The following KCNQ1OT1 variants were observed in gnomAD, a reference collection of about 807,000 sequenced individuals.
The protein encoded by KCNQ1OT1 is KCNQ1 opposite strand/antisense transcript 1, also known as KCNQ1 antisense RNA 2 (non-protein coding).
rs565394479 is a variant in KCNQ1OT1 at position 2,635,942 on chromosome 11, G to A, written n.64053C>T. The A allele has an allele frequency of 4.2e-3, 632 of 152,248 alleles. 4 individuals are homozygous for A. The highest frequency in any genetic ancestry group is 0.015 in the African/African-American group (612 of 41,538). The allele number at this position is 152,248 out of a possible 1,614,324, so 9.4% of individuals were successfully genotyped here. ...TCCTAGGTATTTTATTCTCTTTGAA[G>A]CAATTGTGAATGGGAGTTCACTCAT... On this transcript the variant is annotated non_coding_transcript_exon_variant, in exon 1 of 1. Transcript: ENST00000597346.
chr11:2,627,743 A>G lies in KCNQ1OT1; in HGVS notation n.72252T>C. 2.5e-6 allele frequency: 1 copy of G among 398,368 alleles called. No individual in the cohort carries two copies. The highest frequency in any genetic ancestry group is 4.4e-6 in the Non-Finnish European group (1 of 226,016). The allele number at this position is 398,368 out of a possible 1,614,324, so 24.7% of individuals were successfully genotyped here. On this transcript the variant is annotated non_coding_transcript_exon_variant, in exon 1 of 1. Coordinates refer to ENST00000597346, the Ensembl canonical transcript of KCNQ1OT1. The surrounding 1 kb of genome is among the most constrained non-coding windows in gnomAD (Gnocchi z 4.9). The stretch of plus-strand genomic sequence containing the variant: ...TTTGGGAATTTGGTGATACACACAC[A>G]CACACTATTTTCTTCCTTTCTTTTT...
In KCNQ1OT1 at chr11:2,621,454, C is replaced by T; in HGVS notation, n.78541G>A. 2 of 398,504 alleles carry T rather than the reference C, an allele frequency of 5.0e-6. No individual in the cohort carries two copies. The highest frequency in any genetic ancestry group is 8.8e-6 in the Non-Finnish European group (2 of 226,050). 24.7% of individuals were successfully genotyped at this position (398,504 alleles called of 1,614,324 possible). A position where few individuals can be genotyped will look rare whatever the true frequency, so the allele number is the denominator to read the frequency against. On this transcript the variant is annotated non_coding_transcript_exon_variant, in exon 1 of 1. Coordinates refer to ENST00000597346, the Ensembl canonical transcript of KCNQ1OT1. The surrounding 1 kb of genome is among the most constrained non-coding windows in gnomAD (Gnocchi z 5.7). ...TGGATTCTGGACATAGGACCTTTGC[C>T]AGATGAATAGTTTGCAAATATTTTT...
exon 1 of KCNQ1OT1, chr11:2,625,886 G>A: frequency 7.5e-6 from 3 of 398,468 alleles, no homozygotes; most frequent in Non-Finnish European, 1.3e-5. Flanking sequence ...CCATTTTTCA[G>A]GTGCATTGTT....
exon 1 of KCNQ1OT1, chr11:2,625,652 T>C (rs1849250516): frequency 5.0e-6 from 2 of 397,244 alleles, no homozygotes; most frequent in Admixed American, 4.4e-5. Context: ...CTCGGCTTAC[T>C]GCAACCTCTG....
exon 1 of KCNQ1OT1, chr11:2,639,340 G>GT (rs1453688670): frequency 1.3e-5 from 2 of 152,134 alleles, no homozygotes; most frequent in Non-Finnish European, 2.9e-5. Context: ...CATCTTTGTG[G>GT]TTTTATCTAC....
At chr11:2,662,546 G>C (rs1849980902) in exon 1 of KCNQ1OT1, 3 of 427,512 alleles carry the variant, frequency 7.0e-6, no homozygotes, top group Non-Finnish European at 1.2e-5. Context: ...ACGCCTTCCA[G>C]TTGGCCTTCC....
exon 1 of KCNQ1OT1, chr11:2,615,515 A>C: frequency 2.5e-6 from 1 of 397,920 alleles, no homozygotes; most frequent in East Asian, 3.6e-5. Context: ...TTTTTTTCTC[A>C]TTAAGTATAT....
chr11:2,616,042 T>TG (rs1849058460), exon 1 of KCNQ1OT1: 2 of 398,188 alleles, frequency 5.0e-6, no homozygotes. Context: ...CTACTTGTTA[T>TG]GGGTCTGCTC....
exon 1 of KCNQ1OT1, chr11:2,686,811 T>C: frequency 2.5e-6 from 1 of 398,648 alleles, no homozygotes; most frequent in Non-Finnish European, 4.4e-6. Flanking sequence ...TGCTCACCCC[T>C]AAAGAGCAGC....
rs369352207 is a variant in KCNQ1OT1 at position 2,613,015 on chromosome 11, T to A, written n.86980A>T. ...TCAGTTTTGTTTGTTTTAATTCTTA[T>A]GTTTGTTTTGTAAGCCTGGCTTCAT... On this transcript the variant is annotated non_coding_transcript_exon_variant, in exon 1 of 1. Coordinates refer to ENST00000597346, the Ensembl canonical transcript of KCNQ1OT1. The surrounding 1 kb of genome is among the most constrained non-coding windows in gnomAD (Gnocchi z 4.8). 1 of 398,520 alleles carries A rather than the reference T, an allele frequency of 2.5e-6. No individual in the cohort carries two copies. The allele number at this position is 398,520 out of a possible 1,614,324, so 24.7% of individuals were successfully genotyped here.
At position 2,695,334 on chromosome 11, in the gene KCNQ1OT1, G is replaced by A. The variant is rs146055825; in HGVS notation, n.4661C>T. 2.2e-3 allele frequency: 868 copies of A among 398,388 alleles called. 10 individuals are homozygous for A. Among genetic ancestry groups the A allele is most frequent in the African/African-American group, 0.016 (771 of 48,622 alleles). The allele number at this position is 398,388 out of a possible 1,614,324, so 24.7% of individuals were successfully genotyped here. On this transcript the variant is annotated non_coding_transcript_exon_variant, in exon 1 of 1. Transcript: ENST00000597346. The surrounding 1 kb of genome is among the most constrained non-coding windows in gnomAD (Gnocchi z 5.2). ...GGGTAATTTATTTATATCATTGTGT[G>A]TGTGTGTGTGCACTCACGAGCACTC... is the stretch of plus-strand genomic sequence containing the variant.
rs1040292610 is a variant in KCNQ1OT1 at position 2,661,772 on chromosome 11, C to T, written n.38223G>A. 1 of 665,002 alleles carries T rather than the reference C, an allele frequency of 1.5e-6. No individual in the cohort carries two copies. Among genetic ancestry groups the T allele is most frequent in the Non-Finnish European group, 2.7e-6 (1 of 373,256 alleles). The allele number at this position is 665,002 out of a possible 1,614,324, so 41.2% of individuals were successfully genotyped here. Reference sequence around the variant, plus strand: ...TTATTCTCCTCAGACACTGAGGTGTCAGGCACTTTGGGGCCATCTTAAACA... The same window carrying T: ...TTATTCTCCTCAGACACTGAGGTGTTAGGCACTTTGGGGCCATCTTAAACA... On this transcript the variant is annotated non_coding_transcript_exon_variant, in exon 1 of 1. Transcript: ENST00000597346. This position sits in a 1 kb window ranked among gnomAD's most constrained non-coding sequence, Gnocchi z 5.9.
At position 2,638,083 on chromosome 11, in the gene KCNQ1OT1, A is replaced by G. The variant is rs529917865; in HGVS notation, n.61912T>C. Reference sequence around the variant, plus strand: ...GAGCCTATGTGTGTCTCTGCACGTGAGATGGGTCTCCTGAATACAGCACAC... The same window carrying G: ...GAGCCTATGTGTGTCTCTGCACGTGGGATGGGTCTCCTGAATACAGCACAC... On this transcript the variant is annotated non_coding_transcript_exon_variant, in exon 1 of 1. Transcript: ENST00000597346. 2.0e-5 allele frequency: 3 copies of G among 152,174 alleles called. No individual in the cohort carries two copies. The South Asian group carries it at 6.2e-4, about 32-fold the overall frequency. 9.4% of individuals were successfully genotyped at this position (152,174 alleles called of 1,614,324 possible).
chr11:2,691,939 C>T lies in KCNQ1OT1; in HGVS notation n.8056G>A. On this transcript the variant is annotated non_coding_transcript_exon_variant, in exon 1 of 1. Coordinates refer to ENST00000597346, the Ensembl canonical transcript of KCNQ1OT1. This position sits in a 1 kb window ranked among gnomAD's most constrained non-coding sequence, Gnocchi z 6.4. ...CTCCTTGGCAGGTTTTCCCTTCTGG[C>T]ATGGCCACTAAATGCCAGTGCCTTT... 2.5e-6 allele frequency: 1 copy of T among 398,692 alleles called. No individual in the cohort carries two copies. The highest frequency in any genetic ancestry group is 2.1e-5 in the African/African-American group (1 of 48,738). The allele number at this position is 398,692 out of a possible 1,614,324, so 24.7% of individuals were successfully genotyped here. A position where few individuals can be genotyped will look rare whatever the true frequency, so the allele number is the denominator to read the frequency against.
rs962669049 is a variant in KCNQ1OT1, at chr11:2,687,193, T to C, written n.12802A>G. 5.0e-6 allele frequency: 2 copies of C among 398,518 alleles called. No individual in the cohort carries two copies. The highest frequency in any genetic ancestry group is 7.1e-5 in the East Asian group (2 of 28,090). The allele number at this position is 398,518 out of a possible 1,614,324, so 24.7% of individuals were successfully genotyped here. A position where few individuals can be genotyped will look rare whatever the true frequency, so the allele number is the denominator to read the frequency against. On this transcript the variant is annotated non_coding_transcript_exon_variant, in exon 1 of 1. Transcript: ENST00000597346. This position sits in a 1 kb window ranked among gnomAD's most constrained non-coding sequence, Gnocchi z 5.0. ...AAGTCTGCCAAAAGCCCAGGCTGGA[T>C]AGGGAGCATCACACTGTTGGGAAAT...
exon 1 of KCNQ1OT1, chr11:2,694,091 G>C: frequency 2.5e-6 from 1 of 398,682 alleles, no homozygotes; most frequent in Non-Finnish European, 4.4e-6. Context: ...AAACCTCTGG[G>C]TGGCAGCCCA....
rs1850184782 is a variant in KCNQ1OT1, at chr11:2,671,623, A to G, written n.28372T>C. ...CTGCACCCTAAGTATAAACCTTGCCACAGCAGTGTCCTGTGGTGCCCTGCT... is the reference window on the plus strand; with the variant it reads ...CTGCACCCTAAGTATAAACCTTGCCGCAGCAGTGTCCTGTGGTGCCCTGCT... On this transcript the variant is annotated non_coding_transcript_exon_variant, in exon 1 of 1. Coordinates refer to ENST00000597346, the Ensembl canonical transcript of KCNQ1OT1. The surrounding 1 kb of genome is among the most constrained non-coding windows in gnomAD (Gnocchi z 4.7). 1 of 398,528 alleles carries G rather than the reference A, an allele frequency of 2.5e-6. No homozygotes were observed. Among genetic ancestry groups the G allele is most frequent in the Admixed American group, 4.4e-5 (1 of 22,722 alleles). The allele number at this position is 398,528 out of a possible 1,614,324, so 24.7% of individuals were successfully genotyped here.
rs1850420173 is a variant in KCNQ1OT1, at chr11:2,682,746, C to T, written n.17249G>A. The T allele has an allele frequency of 2.5e-6, 1 of 398,696 alleles. No individual in the cohort carries two copies. Among genetic ancestry groups the T allele is most frequent in the Non-Finnish European group, 4.4e-6 (1 of 226,096 alleles). 24.7% of individuals were successfully genotyped at this position (398,696 alleles called of 1,614,324 possible). A position where few individuals can be genotyped will look rare whatever the true frequency, so the allele number is the denominator to read the frequency against. ...AGAATCTCTTCCCCTTGAGCCCACTCATCTCTGTTGACATTCTAGAAATGC... is the reference window on the plus strand; with the variant it reads ...AGAATCTCTTCCCCTTGAGCCCACTTATCTCTGTTGACATTCTAGAAATGC... On this transcript the variant is annotated non_coding_transcript_exon_variant, in exon 1 of 1. Coordinates refer to ENST00000597346, the Ensembl canonical transcript of KCNQ1OT1. The surrounding 1 kb of genome is among the most constrained non-coding windows in gnomAD (Gnocchi z 5.8).
At chr11:2,632,960 T>C (rs540573870) in exon 1 of KCNQ1OT1, 3 of 398,508 alleles carry the variant, frequency 7.5e-6, no homozygotes, top group South Asian at 1.3e-4. Context: ...AACTGTATGA[T>C]AGTCTACTTT....
Sources: gnomAD v4.1 joint callset for allele counts on GRCh38, gnomAD v4.1.1 for gene constraint, Gnocchi (gnomAD v3.1) non-coding constraint, MANE v1.5 for transcripts, NCBI Gene and HGNC (gene_info 2026-07-23, HGNC 2026-07-21) for gene names.